Variants in BRD10 observed in about 807,000 individuals in gnomAD.
The protein encoded by BRD10 is bromodomain containing 10.
chr9:5,994,788 G>C, the BRD10 span, among the ~76,000 whole-genome samples: 1 of 151,976 alleles, frequency 6.6e-6, no homozygotes, highest in African/African-American at 2.4e-5. Flanking sequence ...CTTATAATCT[G>C]TTGTCTAACT....
At chr9:5,912,181 T>C in the BRD10 span, among the ~76,000 whole-genome samples, 1 of 152,266 alleles carries the variant, frequency 6.6e-6, no homozygotes, top group African/African-American at 2.4e-5. Flanking sequence ...GGTTGTTCCC[T>C]GTTGGCATAC....
the BRD10 span, among the ~76,000 whole-genome samples, chr9:5,953,613 G>A: frequency 6.6e-6 from 1 of 151,600 alleles, no homozygotes; most frequent in East Asian, 1.9e-4. Flanking sequence ...AACTATCTAG[G>A]CACTATTACC....
the BRD10 span, among the ~76,000 whole-genome samples, chr9:5,987,163 T>C: frequency 1.3e-5 from 2 of 149,076 alleles, no homozygotes; most frequent in Admixed American, 6.6e-5. Context: ...CAATAAACAT[T>C]AGCCATTCTT....
At chr9:5,984,009 C>CG in the BRD10 span, among the ~76,000 whole-genome samples, 3 of 123,550 alleles carry the variant, frequency 2.4e-5, no homozygotes, top group African/African-American at 1.0e-4. Context: ...ACACACACCC[C>CG]TCTCCATCCT....
the BRD10 span, among the ~76,000 whole-genome samples, chr9:5,915,428 G>A: frequency 6.6e-6 from 1 of 152,196 alleles, no homozygotes; most frequent in South Asian, 2.1e-4. Flanking sequence ...TCTTAAGTTT[G>A]ACTATTACTA....
chr9:6,006,400 T>C, the BRD10 span, among the ~76,000 whole-genome samples: 1 of 152,140 alleles, frequency 6.6e-6, no homozygotes, highest in Admixed American at 6.5e-5. Context: ...ATTTTTCCAC[T>C]CCCGAAAAAT....
chr9:5,908,816 A>C, the BRD10 span: 1 of 1,036,744 alleles, frequency 9.6e-7, no homozygotes, highest in African/African-American at 1.6e-5. Flanking sequence ...GGAAAAATGC[A>C]AGCCATCTCT....
At chr9:5,966,706 C>G in the BRD10 span, among the ~76,000 whole-genome samples, 1 of 151,980 alleles carries the variant, frequency 6.6e-6, no homozygotes, top group Non-Finnish European at 1.5e-5. Context: ...GATCTGCCCC[C>G]CTCGGCCTCC....
At chr9:5,952,999 A>C in the BRD10 span, among the ~76,000 whole-genome samples, 2 of 152,198 alleles carry the variant, frequency 1.3e-5, no homozygotes, top group Non-Finnish European at 2.9e-5. Flanking sequence ...TACTAAGAGA[A>C]AAACATGTCT....
At chr9:5,921,387 T>G in the BRD10 span, 3 of 1,614,000 alleles carry the variant, frequency 1.9e-6, no homozygotes, top group Admixed American at 5.0e-5. Flanking sequence ...ACATATGCTT[T>G]ATGCAATGGA....
the BRD10 span, among the ~76,000 whole-genome samples, chr9:5,962,104 T>C: frequency 6.6e-5 from 10 of 152,158 alleles, no homozygotes; most frequent in African/African-American, 2.4e-4. Flanking sequence ...CTGCTTTCTC[T>C]TGTGGGCATT....
At chr9:5,901,176 T>C in the BRD10 span, among the ~76,000 whole-genome samples, 1 of 152,144 alleles carries the variant, frequency 6.6e-6, no homozygotes, top group South Asian at 2.1e-4. Context: ...CAAGGGCAGT[T>C]TTATTTTTTT....
the BRD10 span, among the ~76,000 whole-genome samples, chr9:5,945,757 T>C: frequency 6.6e-6 from 1 of 152,206 alleles, no homozygotes; most frequent in South Asian, 2.1e-4. Flanking sequence ...TCATTCAATA[T>C]ACTTTTTTCC....
the BRD10 span, among the ~76,000 whole-genome samples, chr9:6,007,005 C>T: frequency 2.5e-4 from 38 of 152,328 alleles, no homozygotes; most frequent in East Asian, 7.1e-3. Context: ...ACGCGCAAGC[C>T]GGGTTCGGCC....
chr9:5,930,454 A>G, the BRD10 span, among the ~76,000 whole-genome samples: 1 of 150,394 alleles, frequency 6.6e-6, no homozygotes, highest in Non-Finnish European at 1.5e-5. Context: ...CGAACAGTAC[A>G]GTTTTACAAA....
At chr9:5,922,227 G>A in the BRD10 span, 1 of 1,613,974 alleles carries the variant, frequency 6.2e-7, no homozygotes, top group Non-Finnish European at 8.5e-7. Context: ...GCAGTCTGTT[G>A]TGCAAAACAG....
At chr9:5,974,378 G>T in the BRD10 span, among the ~76,000 whole-genome samples, 1 of 152,040 alleles carries the variant, frequency 6.6e-6, no homozygotes, top group African/African-American at 2.4e-5. Context: ...CCAAAATGAA[G>T]TAACAAAGAA....
the BRD10 span, among the ~76,000 whole-genome samples, chr9:5,940,745 A>G: frequency 1.3e-5 from 2 of 152,136 alleles, no homozygotes; most frequent in East Asian, 3.9e-4. Context: ...TCATCACAGG[A>G]TCAAAGCAAA....
At chr9:5,913,847 T>TG in the BRD10 span, 1 of 256,060 alleles carries the variant, frequency 3.9e-6, no homozygotes, top group South Asian at 3.9e-5. Flanking sequence ...TTCAAAGAAA[T>TG]GGTCTCCCAC....
Sources: allele counts gnomAD v4.1 joint callset (sites outside exome capture counted in the v4.1 genomes callset), GRCh38; gene constraint gnomAD v4.1.1; transcripts MANE v1.5; gene names NCBI Gene and HGNC (gene_info 2026-07-23, HGNC 2026-07-21).